PTPN14: variants seen among roughly 807,000 people sequenced by gnomAD.
The protein encoded by PTPN14 is tyrosine-protein phosphatase non-receptor type 14.
Under a neutral mutation model 126.8 loss-of-function variants are expected in PTPN14, and 53 were observed. The ratio of observed to expected loss-of-function variants is 0.42; its 90% CI spans 0.34 to 0.53. The LOEUF (loss-of-function observed/expected upper bound fraction) is 0.53. PTPN14 is among the 20% of genes least tolerant of loss of function. PTPN14 has a pLI of 0.08. For synonymous variants in PTPN14, 630 were observed against 599.3 expected, an observed-to-expected ratio of 1.05 and a Z score of -0.75; for missense variants, 1,257 against 1,552.9, an observed-to-expected ratio of 0.81 and a Z score of 3.20.
chr1:214,524,701 A>G (rs965465524), intron 1 of PTPN14, among the ~76,000 whole-genome samples: 2 of 152,152 alleles, frequency 1.3e-5, no homozygotes, highest in African/African-American at 4.8e-5. Context: ...AAAATATAAT[A>G]GGATCAATGG....
intron 3 of PTPN14, among the ~76,000 whole-genome samples, chr1:214,429,873 G>T (rs1659758329): frequency 6.6e-6 from 1 of 152,100 alleles, no homozygotes; most frequent in South Asian, 2.1e-4. Context: ...AGAAAGAAAA[G>T]GAATTTATTT....
At chr1:214,509,126 A>C (rs1382438048) in intron 1 of PTPN14, among the ~76,000 whole-genome samples, 2 of 152,216 alleles carry the variant, frequency 1.3e-5, no homozygotes, top group Non-Finnish European at 2.9e-5. Context: ...AGCCCCTAAG[A>C]AGAAAGTCAG....
chr1:214,372,461 C>T (rs918838314), intron 16 of PTPN14: 1 of 490,506 alleles, frequency 2.0e-6, no homozygotes, highest in Admixed American at 3.7e-5. Flanking sequence ...TAGTGCATTA[C>T]AATCCAAGGA....
intron 1 of PTPN14, among the ~76,000 whole-genome samples, chr1:214,479,062 T>A (rs1204117605): frequency 6.6e-6 from 1 of 152,046 alleles, no homozygotes; most frequent in Non-Finnish European, 1.5e-5. Context: ...TCAGAATTTT[T>A]TGGTCTGGCA....
chr1:214,428,809 T>C (rs1373637983), intron 3 of PTPN14, among the ~76,000 whole-genome samples: 6 of 152,232 alleles, frequency 3.9e-5, no homozygotes, highest in Non-Finnish European at 8.8e-5. Flanking sequence ...TTGAGCCCTA[T>C]TATCAAACCA....
chr1:214,496,717 T>A (rs1304896001), intron 1 of PTPN14, among the ~76,000 whole-genome samples: 2 of 152,156 alleles, frequency 1.3e-5, no homozygotes, highest in Non-Finnish European at 2.9e-5. Context: ...ATTTTTAAAG[T>A]CCTAAAGAAC....
intron 1 of PTPN14, among the ~76,000 whole-genome samples, chr1:214,505,243 A>C (rs568922291): frequency 7.2e-5 from 11 of 152,146 alleles, no homozygotes; most frequent in Admixed American, 5.2e-4. Flanking sequence ...CCTGACACCT[A>C]CATTCAATGG....
At chr1:214,394,000 C>G (rs1558083383) in intron 9 of PTPN14, among the ~76,000 whole-genome samples, 1 of 152,224 alleles carries the variant, frequency 6.6e-6, no homozygotes. Flanking sequence ...TAAGGAATCC[C>G]TATGCCCAAA....
intron 3 of PTPN14, among the ~76,000 whole-genome samples, chr1:214,414,977 C>T (rs1314977739): frequency 6.6e-6 from 1 of 152,106 alleles, no homozygotes; most frequent in Non-Finnish European, 1.5e-5. Flanking sequence ...ATTTGTAGGC[C>T]AGCGGGATAA....
intron 1 of PTPN14, among the ~76,000 whole-genome samples, chr1:214,513,180 G>A (rs985562779): frequency 6.6e-6 from 1 of 152,186 alleles, no homozygotes; most frequent in Non-Finnish European, 1.5e-5. Context: ...GAAGCAGTAG[G>A]AAAGTTGGAA....
intron 2 of PTPN14, among the ~76,000 whole-genome samples, chr1:214,463,888 G>C (rs535899053): frequency 6.6e-6 from 1 of 152,306 alleles, no homozygotes; most frequent in South Asian, 2.1e-4. Flanking sequence ...CACAGATGCT[G>C]AAGTGTGGAT....
At chr1:214,369,344 T>C in intron 17 of PTPN14, 113 bp downstream of exon 17, 1 of 925,792 alleles carries the variant, frequency 1.1e-6, no homozygotes, top group East Asian at 2.4e-5. Context: ...ATTATAATAC[T>C]TTTGCCACTT....
chr1:214,500,039 C>T (rs964606784), intron 1 of PTPN14, among the ~76,000 whole-genome samples: 7 of 151,330 alleles, frequency 4.6e-5, no homozygotes, highest in African/African-American at 1.5e-4. Flanking sequence ...ACACATTGTC[C>T]GCAAATGTCC....
intron 3 of PTPN14, among the ~76,000 whole-genome samples, chr1:214,442,547 C>A (rs898001345): frequency 3.3e-5 from 5 of 152,150 alleles, no homozygotes; most frequent in African/African-American, 7.2e-5. Flanking sequence ...ACGAATAATG[C>A]CTCTGATTTA....
At chr1:214,402,732 G>T in intron 6 of PTPN14, 151 bp downstream of exon 6, 1 of 638,570 alleles carries the variant, frequency 1.6e-6, no homozygotes, top group Non-Finnish European at 2.4e-6. Context: ...CACTTTTGCA[G>T]AACGGAAGTA....
chr1:214,384,896 TG>T lies in PTPN14; in HGVS notation c.1067-109del. The T allele has an allele frequency of 7.7e-7, 1 of 1,299,702 alleles. No homozygotes were observed. The highest frequency in any genetic ancestry group is 2.3e-5 in the East Asian group (1 of 42,814). 80.5% of individuals were successfully genotyped at this position (1,299,702 alleles called of 1,614,324 possible). On this transcript the variant is annotated intron_variant, in intron 12 of 18. Coordinates refer to ENST00000366956, the MANE Select transcript of PTPN14 (RefSeq NM_005401.5). The surrounding 1 kb of genome is among the most constrained non-coding windows in gnomAD (Gnocchi z 5.3). ...TTTAATTTAAACAAATCATAAAAAG[TG>T]AAATCCCATGGTCTCCACCCACATG...
chr1:214,529,414 G>C (rs1340062967), intron 1 of PTPN14: 2 of 152,250 alleles, frequency 1.3e-5, no homozygotes, highest in Non-Finnish European at 2.9e-5. Context: ...CTTCAAAGCA[G>C]CAGAGTGAAG....
At chr1:214,513,724 G>C (rs897946643) in intron 1 of PTPN14, among the ~76,000 whole-genome samples, 2 of 152,086 alleles carry the variant, frequency 1.3e-5, no homozygotes, top group African/African-American at 4.8e-5. Context: ...TGTCAGTTGA[G>C]CTATATTTTT....
chr1:214,402,957 T>C lies in PTPN14; in HGVS notation c.511-4A>G, dbSNP rs749162774. On this transcript the variant is annotated splice_polypyrimidine_tract_variant and splice_region_variant and intron_variant, in intron 5 of 18. Transcript: ENST00000366956. ...CAGCCTCTTCCAGGGCCAAATCCTA[T>C]AAGAATAGAAAGTGCTTAAGGTCAC... The C allele has an allele frequency of 2.5e-5, 41 of 1,613,782 alleles. No individual in the cohort carries two copies. Among genetic ancestry groups the C allele is most frequent in the Admixed American group, 8.3e-5 (5 of 60,000 alleles).
Sources: gnomAD v4.1 joint callset for allele counts (sites outside exome capture counted in the v4.1 genomes callset) on GRCh38, gnomAD v4.1.1 for gene constraint, Gnocchi (gnomAD v3.1) non-coding constraint, MANE v1.5 for transcripts, NCBI Gene and HGNC (gene_info 2026-07-23, HGNC 2026-07-21) for gene names.